UBXN6: variants seen among roughly 807,000 people sequenced by gnomAD.
UBXN6 encodes the protein UBX domain-containing protein 6.
A neutral mutation model predicts 51.4 loss-of-function variants in UBXN6; 44 were observed. The observed-to-expected ratio is 0.86, with a 90% confidence interval of 0.67 to 1.10. The LOEUF is 1.10. Ranked by LOEUF, UBXN6 falls within the 50% of genes least tolerant of loss-of-function variation. The probability of loss-of-function intolerance (pLI) is 0.00; values close to 1 mark genes in which losing one functional copy is unlikely to be tolerated. For synonymous variants in UBXN6, 316 were observed against 263.2 expected, an observed-to-expected ratio of 1.20 and a Z score of -1.94; for missense variants, 672 against 596.1, an observed-to-expected ratio of 1.13 and a Z score of -1.32.
Position 4,446,324 on chromosome 19 carries a change from G to A in UBXN6, c.1010C>T (p.Thr337Met), listed in dbSNP as rs1160600391. ...ATCGGGGAGGCGCACGCGCAGCAGC[G>A]TGTAGTTGTACTTGCGCAGCCCCCG... ...EQRGLRKYNY[T>M]LLRVRLPDGC... Residue 337 changes from threonine (T) to methionine (M), a missense_variant, in exon 9 of 11, where the codon ACG becomes ATG. Coordinates refer to ENST00000301281, the MANE Select transcript of UBXN6 (RefSeq NM_025241.3). 10 of 1,574,800 alleles carry A rather than the reference G, an allele frequency of 6.4e-6. No homozygotes were observed. Among genetic ancestry groups the A allele is most frequent in the East Asian group, 2.3e-5 (1 of 43,444 alleles).
intron 1 of UBXN6, among the ~76,000 whole-genome samples, chr19:4,457,259 C>A (rs983755315): frequency 7.9e-5 from 12 of 151,650 alleles, no homozygotes; most frequent in African/African-American, 2.9e-4. Context: ...CAACTGCCTA[C>A]AGCCCCGTCG....
chr19:4,457,584 AG>A, intron 1 of UBXN6, 30 bp downstream of exon 1: 1 of 1,563,084 alleles, frequency 6.4e-7, no homozygotes. Flanking sequence ...CCCGCCCCGC[AG>A]GGCCTCAAGC....
chr19:4,445,866 G>T, intron 10 of UBXN6, 183 bp downstream of exon 10: 1 of 1,091,606 alleles, frequency 9.2e-7, no homozygotes, highest in Non-Finnish European at 1.3e-6. Context: ...GAGGCGTGGA[G>T]TAGTTATGAA....
At chr19:4,448,027 C>G (rs1444217645) in intron 5 of UBXN6, 3 of 532,992 alleles carry the variant, frequency 5.6e-6, no homozygotes, top group South Asian at 2.2e-5. Flanking sequence ...GATCCTGAGA[C>G]CCGGGGAGTG....
At chr19:4,445,833 C>T (rs1568187566) in intron 10 of UBXN6, 12 of 1,041,546 alleles carry the variant, frequency 1.2e-5, no homozygotes, top group East Asian at 2.6e-5. Context: ...CGCACGTCAC[C>T]GCTCCCATTT....
chr19:4,453,079 CCA>C (rs1162726655), intron 3 of UBXN6, among the ~76,000 whole-genome samples: 1 of 152,208 alleles, frequency 6.6e-6, no homozygotes, highest in Admixed American at 6.5e-5. Flanking sequence ...GGCTCTGAAA[CCA>C]CAGACTGGCT....
At chr19:4,451,873 C>A (rs372467383) in intron 4 of UBXN6, among the ~76,000 whole-genome samples, 1 of 151,944 alleles carries the variant, frequency 6.6e-6, no homozygotes, top group Non-Finnish European at 1.5e-5. Context: ...AACCAGGCCA[C>A]GCGTGGTGGC....
In UBXN6 at chr19:4,448,356, G is replaced by C. The variant is rs1189632617; in HGVS notation, c.501C>G (p.Asp167Glu). 3 of 1,610,518 alleles carry C rather than the reference G, an allele frequency of 1.9e-6. No individual in the cohort carries two copies. Among genetic ancestry groups the C allele is most frequent in the Non-Finnish European group, 1.7e-6 (2 of 1,178,860 alleles). ...SIMKIYTFNK[D>E]QDRVKLGVDT... ...CCACACCCAGCTTCACCCGGTCCTG[G>C]TCTTTGTTGAACGTGTAGATCTTCA... Residue 167 changes from aspartate (D) to glutamate (E), a missense_variant, in exon 5 of 11, where the codon GAC becomes GAG. Physicochemically the swap from Asp to Glu is conservative, Grantham distance 45. Transcript: ENST00000301281.
rs190257660 is a variant in UBXN6, at chr19:4,445,823, C to T, written c.1201-200G>A. The T allele has an allele frequency of 3.9e-4, 399 of 1,034,644 alleles. 3 individuals are homozygous for T. The African/African-American group carries it at 4.8e-3, about 12-fold the overall frequency. The allele number at this position is 1,034,644 out of a possible 1,614,324, so 64.1% of individuals were successfully genotyped here. On this transcript the variant is annotated intron_variant, in intron 10 of 10. Coordinates refer to ENST00000301281, the MANE Select transcript of UBXN6 (RefSeq NM_025241.3). Reference sequence around the variant, plus strand: ...AGCCTAAACCTACTGCACTAGCTAACGCACGTCACCGCTCCCATTTGATGG... The same window carrying T: ...AGCCTAAACCTACTGCACTAGCTAATGCACGTCACCGCTCCCATTTGATGG...
intron 1 of UBXN6, among the ~76,000 whole-genome samples, chr19:4,456,079 C>T (rs952562377): frequency 2.6e-5 from 4 of 151,978 alleles, no homozygotes; most frequent in African/African-American, 9.7e-5. Flanking sequence ...AGTCTCGCTC[C>T]ACAAGGGACC....
rs199661814 is a variant in UBXN6 at position 4,457,597 on chromosome 19, C to A, written c.83+18G>T. On this transcript the variant is annotated intron_variant, in intron 1 of 10. Transcript: ENST00000301281. ...TCCCCGCCCCGCAGGGCCTCAAGCC[C>A]CTGCGTTCCTCACGCACCCCACGGA... The A allele has an allele frequency of 5.7e-6, 9 of 1,588,860 alleles. No homozygotes were observed. Among genetic ancestry groups the A allele is most frequent in the Non-Finnish European group, 4.3e-6 (5 of 1,169,772 alleles).
chr19:4,447,514 C>G lies in UBXN6; in HGVS notation c.615+36G>C, dbSNP rs774846820. 2.5e-6 allele frequency: 4 copies of G among 1,611,864 alleles called. No individual in the cohort carries two copies. The African/African-American group carries it at 5.3e-5, about 22-fold the overall frequency. On this transcript the variant is annotated intron_variant, in intron 6 of 10. Transcript: ENST00000301281. The stretch of plus-strand genomic sequence containing the variant: ...TCCTGCAGGCCAGCTGCCCCCACCC[C>G]CAGCCTGGGCCCCGGGGGCCAGAAG...
chr19:4,452,250 G>A (rs1433001022), intron 4 of UBXN6, 114 bp downstream of exon 4: 2 of 1,466,470 alleles, frequency 1.4e-6, no homozygotes, highest in African/African-American at 1.4e-5. Context: ...TTCACTACTA[G>A]CAGTGGCCTC....
At chr19:4,456,723 C>G (rs896437218) in intron 1 of UBXN6, among the ~76,000 whole-genome samples, 2 of 152,174 alleles carry the variant, frequency 1.3e-5, no homozygotes, top group African/African-American at 4.8e-5. Flanking sequence ...CTTTCCCCTC[C>G]TCTCCCACTT....
chr19:4,450,650 T>A (rs1974636292), intron 4 of UBXN6: 1 of 148,714 alleles, frequency 6.7e-6, no homozygotes, highest in Non-Finnish European at 1.5e-5. Flanking sequence ...TCCCAGCTAC[T>A]CGGGAGGCTG....
chr19:4,445,696 C>T (rs912401560), intron 10 of UBXN6, 73 bp from the exon 11 acceptor site: 10 of 1,569,934 alleles, frequency 6.4e-6, no homozygotes, highest in Admixed American at 3.5e-5. Context: ...CAGCGGGCAA[C>T]CTGGGCGCGG....
intron 4 of UBXN6, chr19:4,448,660 C>T (rs1488995100): frequency 5.5e-6 from 3 of 548,598 alleles, no homozygotes; most frequent in Non-Finnish European, 9.9e-6. Context: ...CTTCTCAAGG[C>T]TAGATCCATG....
chr19:4,445,662 C>T (rs201011300), intron 10 of UBXN6, 39 bp from the exon 11 acceptor site: 48 of 1,591,066 alleles, frequency 3.0e-5, no homozygotes, highest in Non-Finnish European at 3.3e-5. Flanking sequence ...GACCGAGAGT[C>T]GGCCCTTGCC....
chr19:4,446,997 C>G, intron 6 of UBXN6, 77 bp from the exon 7 acceptor site: 2 of 1,456,578 alleles, frequency 1.4e-6, no homozygotes, highest in Non-Finnish European at 1.9e-6. Context: ...AGTCCAGGGG[C>G]CCGGCTCTCG....
Sources: allele counts gnomAD v4.1 joint callset (sites outside exome capture counted in the v4.1 genomes callset), GRCh38; gene constraint gnomAD v4.1.1; transcripts MANE v1.5; gene names NCBI Gene and HGNC (gene_info 2026-07-23, HGNC 2026-07-21).